Variants in USP48 observed in about 807,000 individuals in gnomAD.
USP48 encodes ubiquitin carboxyl-terminal hydrolase 48.
USP48 carries 43 observed loss-of-function variants against 150.7 expected under a neutral mutation model. That is an observed-to-expected ratio of 0.29 (90% CI 0.22 to 0.37). The LOEUF (loss-of-function observed/expected upper bound fraction) is 0.37. Among genes scored for constraint, USP48 ranks in the 10% least tolerant of loss-of-function variants. The pLI is 1.00. For synonymous variants in USP48, 396 were observed against 425.9 expected (o/e 0.93, Z 0.86); for missense variants, 813 against 1,249.6 (o/e 0.65, Z 5.27).
chr1:21,759,168 A>C (rs4654982), intron 1 of USP48, among the ~76,000 whole-genome samples: 109,584 of 135,018 alleles, frequency 0.81, 45,247 homozygotes, highest in Admixed American at 0.89. Context: ...GGCAACAGAG[A>C]GAGACACGGT....
In USP48 at chr1:21,680,837, GA is replaced by G. The variant is rs746643079; in HGVS notation, c.3059-4del. ...AAACCCTTCTTCTGGCATACAAACT[GA>G]AAAAAAGAAAAAAAGAAGAATTCCA... On this transcript the variant is annotated splice_polypyrimidine_tract_variant and splice_region_variant and intron_variant, in intron 25 of 26. Coordinates refer to ENST00000308271, the MANE Select transcript of USP48 (RefSeq NM_032236.8). 5.1e-6 allele frequency: 8 copies of G among 1,576,190 alleles called. No homozygotes were observed. Among genetic ancestry groups the G allele is most frequent in the South Asian group, 2.4e-5 (2 of 84,592 alleles).
At chr1:21,687,064 G>A in intron 25 of USP48, 127 bp downstream of exon 25, 1 of 860,112 alleles carries the variant, frequency 1.2e-6, no homozygotes, top group Non-Finnish European at 1.9e-6. Context: ...GTATTCTACT[G>A]TAACAATATG....
At chr1:21,696,827 T>C (rs915405280) in intron 22 of USP48, among the ~76,000 whole-genome samples, 3 of 135,298 alleles carry the variant, frequency 2.2e-5, no homozygotes, top group African/African-American at 5.6e-5. Flanking sequence ...AAGAGGTTAA[T>C]GATCAGAGGT....
chr1:21,778,774 G>A (rs982088616), intron 1 of USP48, among the ~76,000 whole-genome samples: 1 of 149,508 alleles, frequency 6.7e-6, no homozygotes, highest in East Asian at 2.0e-4. Context: ...TTTTGGAGAC[G>A]GAGTCTCGTT....
chr1:21,718,272 C>T (rs1349966108), intron 14 of USP48, among the ~76,000 whole-genome samples: 1 of 152,066 alleles, frequency 6.6e-6, no homozygotes, highest in Non-Finnish European at 1.5e-5. Flanking sequence ...ATAAAAAGGG[C>T]TGTATGTTTT....
At chr1:21,738,229 T>G (rs2097772904) in intron 8 of USP48, among the ~76,000 whole-genome samples, 1 of 152,020 alleles carries the variant, frequency 6.6e-6, no homozygotes, top group Non-Finnish European at 1.5e-5. Context: ...GGCTAATTTT[T>G]GTATTTTTAG....
In USP48 at chr1:21,680,850, AAAG is replaced by A. The variant is rs747910771; in HGVS notation, c.3059-19_3059-17del. 7.4e-5 allele frequency: 117 copies of A among 1,580,398 alleles called. 1 individual carries two copies. The South Asian group carries it at 7.5e-4, about 10-fold the overall frequency. On this transcript the variant is annotated splice_polypyrimidine_tract_variant and intron_variant, in intron 25 of 26. Coordinates refer to ENST00000308271, the MANE Select transcript of USP48 (RefSeq NM_032236.8). The stretch of plus-strand genomic sequence containing the variant: ...GGCATACAAACTGAAAAAAAGAAAA[AAAG>A]AAGAATTCCAAATTGAAAAGATTGT...
chr1:21,780,150 T>C (rs1339091253), intron 1 of USP48, among the ~76,000 whole-genome samples: 1 of 152,100 alleles, frequency 6.6e-6, no homozygotes, highest in Non-Finnish European at 1.5e-5. Flanking sequence ...AAGGTGGAAA[T>C]AATCAAAATG....
intron 15 of USP48, among the ~76,000 whole-genome samples, chr1:21,714,202 C>A (rs993526107): frequency 1.3e-5 from 2 of 152,176 alleles, no homozygotes; most frequent in African/African-American, 4.8e-5. Flanking sequence ...TACCACATAA[C>A]AAGAAACACA....
At chr1:21,776,481 T>C (rs2097898634) in intron 1 of USP48, among the ~76,000 whole-genome samples, 1 of 150,016 alleles carries the variant, frequency 6.7e-6, no homozygotes, top group Admixed American at 6.8e-5. Flanking sequence ...CCCAGCAATT[T>C]AGGAGGCTGA....
Position 21,706,112 on chromosome 1 carries a change from T to TA in USP48, c.2273+13dup, listed in dbSNP as rs2097671676. On this transcript the variant is annotated intron_variant, in intron 18 of 26. Coordinates refer to ENST00000308271, the MANE Select transcript of USP48 (RefSeq NM_032236.8). ...CAGTAACAATAAAGGAAATAAAACA[T>TA]ATTTTGTTTCTACCTAACAAATTTC... The TA allele has an allele frequency of 3.1e-6, 5 of 1,612,062 alleles. No individual in the cohort carries two copies. The South Asian group carries it at 5.5e-5, about 18-fold the overall frequency.
intron 15 of USP48, among the ~76,000 whole-genome samples, chr1:21,711,912 A>G (rs1158603518): frequency 2.0e-5 from 3 of 152,234 alleles, no homozygotes; most frequent in East Asian, 1.9e-4. Context: ...TCACGGAAAA[A>G]ATATTTCCAA....
chr1:21,728,006 T>A (rs2097744143), intron 11 of USP48: 4 of 985,334 alleles, frequency 4.1e-6, no homozygotes, highest in Non-Finnish European at 4.8e-6. Context: ...GGTTTCATTT[T>A]GAGACATCAG....
chr1:21,723,323 C>A (rs2097727097), intron 12 of USP48, among the ~76,000 whole-genome samples: 1 of 151,966 alleles, frequency 6.6e-6, no homozygotes, highest in African/African-American at 2.4e-5. Flanking sequence ...AGTTTGAGAC[C>A]AGCCTGGGCA....
chr1:21,695,475 A>G (rs907207858), intron 22 of USP48, among the ~76,000 whole-genome samples: 2 of 152,236 alleles, frequency 1.3e-5, no homozygotes, highest in Non-Finnish European at 2.9e-5. Flanking sequence ...AGAGACATTT[A>G]AGGTTTGGTG....
At chr1:21,748,412 A>T in intron 6 of USP48, 141 bp from the exon 7 acceptor site, 1 of 744,852 alleles carries the variant, frequency 1.3e-6, no homozygotes, top group East Asian at 2.8e-5. Flanking sequence ...TAAATAATGG[A>T]CACACAAAAG....
Position 21,703,635 on chromosome 1 carries a change from A to G in USP48, c.2516-17T>C. 6.4e-7 allele frequency: 1 copy of G among 1,565,858 alleles called. No individual in the cohort carries two copies. Among genetic ancestry groups the G allele is most frequent in the Non-Finnish European group, 8.7e-7 (1 of 1,156,040 alleles). ...GACAGAGTTCTTTGGGGGAAAAAAA[A>G]AAAGGGAAAACAGAAGTGGCTGAGG... On this transcript the variant is annotated splice_polypyrimidine_tract_variant and intron_variant, in intron 20 of 26. Coordinates refer to ENST00000308271, the MANE Select transcript of USP48 (RefSeq NM_032236.8).
At chr1:21,706,913 A>T (rs1243772711) in intron 15 of USP48, 45 bp from the exon 16 acceptor site, 1 of 1,555,542 alleles carries the variant, frequency 6.4e-7, no homozygotes, top group African/African-American at 1.4e-5. Context: ...AACAGCTGAA[A>T]AAAAGTCATT....
intron 1 of USP48, among the ~76,000 whole-genome samples, chr1:21,779,524 C>G (rs1208618800): frequency 6.6e-6 from 1 of 151,364 alleles, no homozygotes; most frequent in Non-Finnish European, 1.5e-5. Flanking sequence ...CCAGCCTGGG[C>G]AACACAGAGA....
Sources: allele counts gnomAD v4.1 joint callset (sites outside exome capture counted in the v4.1 genomes callset), GRCh38; gene constraint gnomAD v4.1.1; transcripts MANE v1.5; gene names NCBI Gene and HGNC (gene_info 2026-07-23, HGNC 2026-07-21).